The following TMEFF2 variants were observed in gnomAD, a reference collection of about 807,000 sequenced individuals.
TMEFF2 encodes transmembrane protein with EGF like and two follistatin like domains 2.
Under a neutral mutation model 53.8 loss-of-function variants are expected in TMEFF2, and 28 were observed. That is an observed-to-expected ratio of 0.52 (90% CI 0.39 to 0.71). The LOEUF (loss-of-function observed/expected upper bound fraction) is 0.71, where lower values mean the gene tolerates loss of function less well. TMEFF2 is among the 30% of genes least tolerant of loss of function. The probability of loss-of-function intolerance (pLI) is 0.00; values close to 1 mark genes in which losing one functional copy is unlikely to be tolerated. For missense variants in TMEFF2, 353 were observed against 455.2 expected (o/e 0.78, Z 2.04); for synonymous variants, 162 against 166.3 (o/e 0.97, Z 0.20).
At chr2:192,104,499 G>C (rs1037225018) in intron 4 of TMEFF2, among the ~76,000 whole-genome samples, 3 of 151,934 alleles carry the variant, frequency 2.0e-5, no homozygotes, top group African/African-American at 7.3e-5. Context: ...AACTCATATT[G>C]CAATATATGA....
intron 5 of TMEFF2, chr2:192,028,463 C>T (rs9646819): frequency 0.15 from 19,044 of 124,138 alleles, 1,349 homozygotes; most frequent in East Asian, 0.36. Flanking sequence ...GACCAAGGAA[C>T]GCTATCATAC....
chr2:192,141,885 T>C (rs1422538558), intron 4 of TMEFF2, among the ~76,000 whole-genome samples: 1 of 152,160 alleles, frequency 6.6e-6, no homozygotes, highest in Non-Finnish European at 1.5e-5. Context: ...GTTGAGGCTC[T>C]TTACAAATAA....
At chr2:192,047,966 T>A (rs1473547166) in intron 5 of TMEFF2, among the ~76,000 whole-genome samples, 1 of 152,212 alleles carries the variant, frequency 6.6e-6, no homozygotes, top group Non-Finnish European at 1.5e-5. Context: ...CAGTTTCTCA[T>A]CTAACAATGC....
chr2:192,093,357 A>C (rs1361105484), intron 4 of TMEFF2, among the ~76,000 whole-genome samples: 4 of 152,166 alleles, frequency 2.6e-5, no homozygotes, highest in African/African-American at 9.6e-5. Flanking sequence ...TCAAGAATAC[A>C]TCTCAAATTC....
intron 4 of TMEFF2, among the ~76,000 whole-genome samples, chr2:192,120,861 C>T (rs936468785): frequency 6.6e-6 from 1 of 152,018 alleles, no homozygotes; most frequent in Non-Finnish European, 1.5e-5. Context: ...CTCAGCCTCC[C>T]GAATAGCTGG....
intron 4 of TMEFF2, among the ~76,000 whole-genome samples, chr2:192,130,172 T>A (rs1484471637): frequency 2.0e-5 from 3 of 152,056 alleles, no homozygotes; most frequent in Non-Finnish European, 4.4e-5. Context: ...TATTTCTTCT[T>A]CCAGGATTGC....
At chr2:192,065,713 G>A (rs895954971) in intron 4 of TMEFF2, among the ~76,000 whole-genome samples, 19 of 151,608 alleles carry the variant, frequency 1.3e-4, no homozygotes, top group African/African-American at 4.3e-4. Context: ...TAGCTAAAAT[G>A]ACTATCGAGT....
At chr2:191,984,957 A>C (rs1685942227) in intron 7 of TMEFF2, among the ~76,000 whole-genome samples, 1 of 152,120 alleles carries the variant, frequency 6.6e-6, no homozygotes, top group Admixed American at 6.5e-5. Context: ...TGATACACAA[A>C]AATGGGAAAA....
chr2:192,014,710 C>G (rs1686707318), intron 5 of TMEFF2, among the ~76,000 whole-genome samples: 2 of 152,180 alleles, frequency 1.3e-5, no homozygotes, highest in South Asian at 4.1e-4. Flanking sequence ...ATCAAGACAT[C>G]TATTTCATTT....
chr2:192,037,652 AG>A (rs1687363887), intron 5 of TMEFF2, among the ~76,000 whole-genome samples: 3 of 142,932 alleles, frequency 2.1e-5, no homozygotes, highest in African/African-American at 7.7e-5. Flanking sequence ...AAAGAGAGAG[AG>A]AGAGAGAGAG....
intron 5 of TMEFF2, among the ~76,000 whole-genome samples, chr2:192,018,611 C>T (rs1478899133): frequency 6.6e-6 from 1 of 152,070 alleles, no homozygotes. Context: ...GGAAATAGTG[C>T]TAGACTAAAT....
intron 4 of TMEFF2, among the ~76,000 whole-genome samples, chr2:192,168,049 T>C (rs909879443): frequency 6.6e-6 from 1 of 152,108 alleles, no homozygotes; most frequent in East Asian, 1.9e-4. Flanking sequence ...CTGACAGTGA[T>C]GTGACTTACT....
In TMEFF2 at chr2:192,102,326, T is replaced by C. The variant is rs531707652; in HGVS notation, c.440-44551A>G. 2.0e-5 allele frequency among the ~76,000 whole-genome samples: 3 copies of C among 152,266 alleles called. No homozygotes were observed. In the East Asian group the frequency reaches 5.8e-4, roughly 29 times the overall value. Reference sequence around the variant, plus strand: ...AGCACACAGATCACGTATTCTTCTGTTAAAAAACCATCTCGGAGCATTTTC... The same window carrying C: ...AGCACACAGATCACGTATTCTTCTGCTAAAAAACCATCTCGGAGCATTTTC... On this transcript the variant is annotated intron_variant, in intron 4 of 9. Coordinates refer to ENST00000272771, the MANE Select transcript of TMEFF2 (RefSeq NM_016192.4).
At chr2:192,035,142 C>G (rs930519195) in intron 5 of TMEFF2, 2 of 151,944 alleles carry the variant, frequency 1.3e-5, no homozygotes, top group African/African-American at 4.8e-5. Context: ...CCCTCAATAT[C>G]TCAGTGGCTT....
chr2:192,172,357 G>A (rs996354701), intron 4 of TMEFF2, among the ~76,000 whole-genome samples: 2 of 151,810 alleles, frequency 1.3e-5, no homozygotes, highest in African/African-American at 4.8e-5. Context: ...CCATGCCAGG[G>A]TCACAAGTAA....
intron 4 of TMEFF2, among the ~76,000 whole-genome samples, chr2:192,103,956 C>T (rs992948523): frequency 6.6e-6 from 1 of 151,800 alleles, no homozygotes; most frequent in Non-Finnish European, 1.5e-5. Context: ...GGCATTTACT[C>T]TGAGCAAGAT....
intron 4 of TMEFF2, among the ~76,000 whole-genome samples, chr2:192,171,952 T>C (rs2356956): frequency 0.64 from 96,908 of 151,888 alleles, 31,052 homozygotes; most frequent in East Asian, 0.69. Flanking sequence ...GTGGATACCA[T>C]GGTGCAATGT....
chr2:191,986,439 C>T (rs1685976111), intron 7 of TMEFF2, among the ~76,000 whole-genome samples: 1 of 152,060 alleles, frequency 6.6e-6, no homozygotes, highest in Non-Finnish European at 1.5e-5. Flanking sequence ...TAACCTATAA[C>T]TAAAAGAAAA....
In TMEFF2 at chr2:191,962,963, C is replaced by A. The variant is rs148311281; in HGVS notation, c.746-6585G>T. Among the ~76,000 whole-genome samples, 701 of 152,250 alleles carry A rather than the reference C, an allele frequency of 4.6e-3. 6 individuals are homozygous for A. The highest frequency in any genetic ancestry group is 0.016 in the African/African-American group (670 of 41,544). On this transcript the variant is annotated intron_variant, in intron 7 of 9. Transcript: ENST00000272771. ...CTCTCAGCAAGTGGGTAACTCCTATCAGTTTACAGGTCTTGGTTTGAAGAC... is the reference window on the plus strand; with the variant it reads ...CTCTCAGCAAGTGGGTAACTCCTATAAGTTTACAGGTCTTGGTTTGAAGAC...
Sources: allele counts gnomAD v4.1 joint callset (sites outside exome capture counted in the v4.1 genomes callset), GRCh38; gene constraint gnomAD v4.1.1; transcripts MANE v1.5; gene names NCBI Gene and HGNC (gene_info 2026-07-23, HGNC 2026-07-21).